Variants in ERAP1 observed in about 807,000 individuals in gnomAD.
ERAP1 encodes the protein adipocyte-derived leucine aminopeptidase.
A neutral mutation model predicts 103.7 loss-of-function variants in ERAP1; 86 were observed. The ratio of observed to expected loss-of-function variants is 0.83; its 90% CI spans 0.70 to 0.99. The LOEUF is 0.99. Among genes scored for constraint, ERAP1 ranks in the 50% least tolerant of loss-of-function variants. ERAP1 has a pLI of 0.00. For missense variants in ERAP1, 1,009 were observed against 1,128.4 expected, an observed-to-expected ratio of 0.89 and a Z score of 1.52; for synonymous variants, 398 against 402.4, an observed-to-expected ratio of 0.99 and a Z score of 0.13.
the ERAP1 span, chr5:96,881,346 T>C: frequency 2.2e-6 from 1 of 450,020 alleles, no homozygotes; most frequent in Non-Finnish European, 4.5e-6. Context: ...ACAATTGAAC[T>C]TGGCAGTTAT....
the ERAP1 span, among the ~76,000 whole-genome samples, chr5:96,929,690 ATGGG>A: frequency 6.6e-6 from 1 of 152,136 alleles, no homozygotes; most frequent in Non-Finnish European, 1.5e-5. Context: ...GTCCTCTGTA[ATGGG>A]TGATGGCCAT....
At chr5:96,856,963 T>C in the ERAP1 span, among the ~76,000 whole-genome samples, 1 of 152,238 alleles carries the variant, frequency 6.6e-6, no homozygotes, top group Non-Finnish European at 1.5e-5. Context: ...TTCTGCATCC[T>C]GATGCCCTCA....
chr5:96,786,757 G>A (rs1201741511), intron 11 of ERAP1: 1 of 544,168 alleles, frequency 1.8e-6, no homozygotes, highest in Middle Eastern at 5.1e-4. Context: ...TGGACTCCTT[G>A]AGTAGAGCTA....
the ERAP1 span, among the ~76,000 whole-genome samples, chr5:96,838,341 C>T: frequency 5.3e-5 from 8 of 152,272 alleles, no homozygotes; most frequent in African/African-American, 1.9e-4. Flanking sequence ...CTGAGATGGA[C>T]CAGGTAGCCC....
the ERAP1 span, among the ~76,000 whole-genome samples, chr5:96,867,709 T>G: frequency 1.3e-5 from 2 of 152,152 alleles, no homozygotes; most frequent in African/African-American, 4.8e-5. Context: ...CAAGAAATAT[T>G]TAACAACCAG....
the ERAP1 span, among the ~76,000 whole-genome samples, chr5:96,825,610 C>T: frequency 6.6e-6 from 1 of 152,164 alleles, no homozygotes; most frequent in Admixed American, 6.5e-5. Flanking sequence ...AGGAAGAAGA[C>T]AAGCACAGGC....
At chr5:96,886,750 T>A in the ERAP1 span, 21 of 1,533,732 alleles carry the variant, frequency 1.4e-5, no homozygotes, top group Non-Finnish European at 1.9e-5. Context: ...TAGTTTGTGA[T>A]TTCCACTCTC....
At chr5:96,847,453 A>C in the ERAP1 span, among the ~76,000 whole-genome samples, 7 of 152,184 alleles carry the variant, frequency 4.6e-5, no homozygotes, top group African/African-American at 1.7e-4. Flanking sequence ...ATTGGATTTG[A>C]ATAACACTTT....
the ERAP1 span, among the ~76,000 whole-genome samples, chr5:96,879,000 G>A: frequency 6.6e-6 from 1 of 152,080 alleles, no homozygotes; most frequent in Admixed American, 6.5e-5. Context: ...AACAGTTTGG[G>A]AGGATTGCTT....
chr5:96,909,249 A>G, the ERAP1 span: 21 of 797,354 alleles, frequency 2.6e-5, no homozygotes, highest in Non-Finnish European at 3.6e-5. Context: ...GATAGCATGT[A>G]ATGGTCAATG....
chr5:96,933,211 CTTTTTTTT>C, the ERAP1 span, among the ~76,000 whole-genome samples: 3 of 72,808 alleles, frequency 4.1e-5, no homozygotes, highest in South Asian at 5.4e-4. Flanking sequence ...AAAACCACGT[CTTTTTTTT>C]TTTTTTTTTT....
chr5:96,824,491 A>G, the ERAP1 span, among the ~76,000 whole-genome samples: 1 of 152,014 alleles, frequency 6.6e-6, no homozygotes, highest in African/African-American at 2.4e-5. Flanking sequence ...ATGTGTTCTA[A>G]TCCCTGTCCA....
the ERAP1 span, among the ~76,000 whole-genome samples, chr5:96,813,744 A>G: frequency 6.6e-6 from 1 of 150,796 alleles, no homozygotes; most frequent in Non-Finnish European, 1.5e-5. Flanking sequence ...TACTTGTTTA[A>G]CAAACTGTAG....
At chr5:96,768,353 G>A (rs1408909971) in intron 19 of ERAP1, 1 of 442,454 alleles carries the variant, frequency 2.3e-6, no homozygotes, top group Non-Finnish European at 4.4e-6. Context: ...CAAAGTACTG[G>A]GATTACAGGC....
At chr5:96,873,326 T>C in the ERAP1 span, 2 of 456,290 alleles carry the variant, frequency 4.4e-6, no homozygotes, top group Non-Finnish European at 8.8e-6. Context: ...CACTGATAGG[T>C]GCTAGAAAGA....
At chr5:96,817,606 T>C in the ERAP1 span, among the ~76,000 whole-genome samples, 1 of 152,176 alleles carries the variant, frequency 6.6e-6, no homozygotes, top group African/African-American at 2.4e-5. Flanking sequence ...GCTTAAAAAA[T>C]ACACTAGACT....
At chr5:96,773,817 GA>G (rs1458448912), downstream of ERAP1, 6 of 152,274 alleles carry the variant, frequency 3.9e-5, no homozygotes, top group Non-Finnish European at 7.4e-5. Flanking sequence ...ACATAAAACA[GA>G]TTGGGAATTT....
At chr5:96,860,164 C>A in the ERAP1 span, among the ~76,000 whole-genome samples, 1 of 152,174 alleles carries the variant, frequency 6.6e-6, no homozygotes, top group African/African-American at 2.4e-5. Context: ...AGCAATTCTT[C>A]TGCCTCAGCC....
the ERAP1 span, among the ~76,000 whole-genome samples, chr5:96,824,895 G>T: frequency 3.2e-4 from 48 of 152,202 alleles, no homozygotes; most frequent in South Asian, 3.1e-3. Context: ...CCAAAAATTA[G>T]CTGGGCATGG....
Sources: gnomAD v4.1 joint callset for allele counts (sites outside exome capture counted in the v4.1 genomes callset) on GRCh38, gnomAD v4.1.1 for gene constraint, MANE v1.5 for transcripts, NCBI Gene and HGNC (gene_info 2026-07-23, HGNC 2026-07-21) for gene names.